Variants in NFIA observed in about 807,000 individuals in gnomAD.
NFIA encodes nuclear factor 1 A-type.
Under a neutral mutation model 62.8 loss-of-function variants are expected in NFIA, and 8 were observed. The ratio of observed to expected loss-of-function variants is 0.13; its 90% CI spans 0.07 to 0.23. NFIA has a LOEUF of 0.23. NFIA is among the 10% of genes least tolerant of loss of function. The pLI is 1.00. For synonymous variants in NFIA, 235 were observed against 238.1 expected (o/e 0.99, Z 0.12); for missense variants, 410 against 642.1 (o/e 0.64, Z 3.91).
intron 2 of NFIA, among the ~76,000 whole-genome samples, chr1:61,185,987 T>C (rs1250036260): frequency 6.6e-6 from 1 of 152,230 alleles, no homozygotes; most frequent in East Asian, 1.9e-4. Context: ...TACCTTCTTT[T>C]CTACCTTTTG....
chr1:61,177,654 TGTGTGTG>T (rs993708695), intron 2 of NFIA, among the ~76,000 whole-genome samples: 2 of 64,344 alleles, frequency 3.1e-5, no homozygotes, highest in Non-Finnish European at 5.4e-5. Context: ...TTTTCTCTAT[TGTGTGTG>T]TGTGTGTGTG....
Position 61,124,269 on chromosome 1 carries a change from C to T in NFIA, c.559+35589C>T, listed in dbSNP as rs116827805. Among the ~76,000 whole-genome samples, 1,186 of 152,262 alleles carry T rather than the reference C, an allele frequency of 7.8e-3. 19 individuals are homozygous for T. Among genetic ancestry groups the T allele is most frequent in the African/African-American group, 0.027 (1,103 of 41,542 alleles). On this transcript the variant is annotated intron_variant, in intron 2 of 10. Transcript: ENST00000403491. ...TTATTGAGGCAAATGTGAGGATGTT[C>T]TGTGGGCTACCTATTTAGCTAGGCA...
chr1:61,101,309 C>T (rs1327902755), intron 2 of NFIA, among the ~76,000 whole-genome samples: 3 of 151,218 alleles, frequency 2.0e-5, no homozygotes, highest in Admixed American at 6.6e-5. Context: ...GCAGGAGAAT[C>T]GCTTGAACCC....
Position 61,092,525 on chromosome 1 carries a change from C to G in NFIA, c.559+3845C>G, listed in dbSNP as rs17121584. On this transcript the variant is annotated intron_variant, in intron 2 of 10. Coordinates refer to ENST00000403491, the MANE Select transcript of NFIA (RefSeq NM_001134673.4). ...CACTGAAGGAGCTGTTTCAGTGTCTCGGAAGCCTGATACCTGTCCTATAAA... is the reference window on the plus strand; with the variant it reads ...CACTGAAGGAGCTGTTTCAGTGTCTGGGAAGCCTGATACCTGTCCTATAAA... Among the ~76,000 whole-genome samples the G allele has an allele frequency of 2.6e-5, 4 of 152,120 alleles. No individual in the cohort carries two copies. The South Asian group carries it at 8.3e-4, about 32-fold the overall frequency.
intron 10 of NFIA, among the ~76,000 whole-genome samples, chr1:61,435,685 T>C (rs1667295806): frequency 6.6e-6 from 1 of 152,312 alleles, no homozygotes; most frequent in Non-Finnish European, 1.5e-5. Context: ...CAAAGGATGC[T>C]GAGAAAACCA....
At chr1:61,441,355 G>GTA (rs1667574690) in intron 10 of NFIA, among the ~76,000 whole-genome samples, 2 of 145,748 alleles carry the variant, frequency 1.4e-5, no homozygotes, top group African/African-American at 5.2e-5. Flanking sequence ...GTCTGTCTGT[G>GTA]TAACCTGTGC....
intron 8 of NFIA, among the ~76,000 whole-genome samples, chr1:61,404,674 G>A (rs1665733179): frequency 6.6e-6 from 1 of 152,110 alleles, no homozygotes; most frequent in African/African-American, 2.4e-5. Flanking sequence ...GGAGATGAAG[G>A]GGACAGATGT....
intron 2 of NFIA, among the ~76,000 whole-genome samples, chr1:61,191,721 A>T (rs575336471): frequency 1.3e-5 from 2 of 152,146 alleles, no homozygotes; most frequent in South Asian, 4.2e-4. Flanking sequence ...CCCCTACCCT[A>T]CATCCATCAT....
At chr1:61,205,466 T>C (rs1652831481) in intron 2 of NFIA, among the ~76,000 whole-genome samples, 1 of 152,206 alleles carries the variant, frequency 6.6e-6, no homozygotes, top group African/African-American at 2.4e-5. Flanking sequence ...ACTTCTAGAA[T>C]CGAGCAAATC....
chr1:61,274,179 G>A (rs892206108), intron 2 of NFIA, among the ~76,000 whole-genome samples: 2 of 152,128 alleles, frequency 1.3e-5, no homozygotes, highest in Admixed American at 6.5e-5. Flanking sequence ...AGCTGTAGGC[G>A]CCATAAAACT....
intron 3 of NFIA, among the ~76,000 whole-genome samples, chr1:61,294,892 TCTCGATATTCAGTA>T (rs1422640521): frequency 1.3e-5 from 2 of 152,210 alleles, no homozygotes; most frequent in East Asian, 1.9e-4. Context: ...TCCCAGTCTA[TCTCGATATTCAGTA>T]CTCGATATTC....
At chr1:61,396,079 C>T (rs12032100) in intron 7 of NFIA, among the ~76,000 whole-genome samples, 53,290 of 151,936 alleles carry the variant, frequency 0.35, 10,754 homozygotes, top group African/African-American at 0.56. Flanking sequence ...AAGCTGCTTA[C>T]TGTGAGAAGA....
intron 2 of NFIA, among the ~76,000 whole-genome samples, chr1:61,182,154 C>T (rs1235873786): frequency 3.3e-5 from 5 of 152,116 alleles, no homozygotes; most frequent in East Asian, 3.9e-4. Context: ...GTTGTTTTGA[C>T]GGTTCATACT....
chr1:61,290,349 T>G (rs59622488), intron 3 of NFIA, among the ~76,000 whole-genome samples: 6,406 of 152,280 alleles, frequency 0.042, 469 homozygotes, highest in African/African-American at 0.15. Flanking sequence ...TTTCTTTTCA[T>G]TCCCCATTTT....
intron 3 of NFIA, among the ~76,000 whole-genome samples, chr1:61,319,318 C>T (rs1236492965): frequency 3.3e-5 from 5 of 152,000 alleles, no homozygotes; most frequent in African/African-American, 1.2e-4. Flanking sequence ...TGAAATTATA[C>T]ATATGTTTGT....
chr1:61,318,740 C>G (rs1263220286), intron 3 of NFIA, among the ~76,000 whole-genome samples: 2 of 152,116 alleles, frequency 1.3e-5, no homozygotes, highest in African/African-American at 4.8e-5. Context: ...AGGCAGATGA[C>G]CCATGTCTGA....
intron 2 of NFIA, among the ~76,000 whole-genome samples, chr1:61,120,567 A>C (rs1646871729): frequency 6.6e-6 from 1 of 152,308 alleles, no homozygotes; most frequent in Non-Finnish European, 1.5e-5. Flanking sequence ...CCATCAAAAG[A>C]GTGATAAGCT....
intron 2 of NFIA, among the ~76,000 whole-genome samples, chr1:61,129,132 C>T (rs919051108): frequency 6.6e-6 from 1 of 151,870 alleles, no homozygotes; most frequent in African/African-American, 2.4e-5. Context: ...CCGTGTTAGC[C>T]AGGATGGTCT....
rs187346716 is a variant in NFIA at position 61,144,450 on chromosome 1, C to T, written c.559+55770C>T. Among the ~76,000 whole-genome samples, 353 of 152,294 alleles carry T rather than the reference C, an allele frequency of 2.3e-3. 1 individual carries two copies. Among genetic ancestry groups the T allele is most frequent in the Middle Eastern group, 3.4e-3 (1 of 294 alleles). ...TGAGTGTTGGGGTCTTACCTTATAA[C>T]GGCATTTAGTGATTGGCAAAGCTCA... On this transcript the variant is annotated intron_variant, in intron 2 of 10. Transcript: ENST00000403491.
Sources: allele counts gnomAD v4.1 joint callset (sites outside exome capture counted in the v4.1 genomes callset), GRCh38; gene constraint gnomAD v4.1.1; transcripts MANE v1.5; gene names NCBI Gene and HGNC (gene_info 2026-07-23, HGNC 2026-07-21).